LEF1: variants seen among roughly 807,000 people sequenced by gnomAD.
The protein encoded by LEF1 is lymphoid enhancer-binding factor 1.
In LEF1, 14 loss-of-function variants were observed where a neutral mutation model predicts 51.2. That is an observed-to-expected ratio of 0.27 (90% CI 0.18 to 0.43). The LOEUF is 0.43. Ranked by LOEUF, LEF1 falls within the 20% of genes least tolerant of loss-of-function variation. The pLI is 1.00. For synonymous variants in LEF1, 185 were observed against 183.2 expected (o/e 1.01, Z -0.08); for missense variants, 386 against 512.0 (o/e 0.75, Z 2.37).
At chr4:108,133,012 C>T (rs921461850) in intron 3 of LEF1, among the ~76,000 whole-genome samples, 6 of 151,818 alleles carry the variant, frequency 4.0e-5, no homozygotes, top group African/African-American at 4.8e-5. Flanking sequence ...CTCGCTCTGT[C>T]GCCCAGGCTG....
Position 108,167,516 on chromosome 4 carries a change from C to T in LEF1, c.213+39G>A. ...CTCCCTCTCTGAGTTTCCCAGGGAC[C>T]CGCCACGCCTCTCGGAACTGGGGCA... On this transcript the variant is annotated intron_variant, in intron 1 of 11. Coordinates refer to ENST00000265165, the MANE Select transcript of LEF1 (RefSeq NM_016269.5). The surrounding 1 kb of genome is among the most constrained non-coding windows in gnomAD (Gnocchi z 5.7). 6.2e-7 allele frequency: 1 copy of T among 1,603,128 alleles called. No individual in the cohort carries two copies. Among genetic ancestry groups the T allele is most frequent in the Non-Finnish European group, 8.5e-7 (1 of 1,172,142 alleles).
intron 3 of LEF1, among the ~76,000 whole-genome samples, chr4:108,125,807 T>G (rs1255136898): frequency 6.6e-6 from 1 of 152,096 alleles, no homozygotes; most frequent in Non-Finnish European, 1.5e-5. Flanking sequence ...TACAGCAGTG[T>G]GACTGTGCAG....
chr4:108,056,906 C>CAA (rs58289441), intron 11 of LEF1, among the ~76,000 whole-genome samples: 23 of 84,984 alleles, frequency 2.7e-4, no homozygotes, highest in African/African-American at 5.6e-4. Context: ...GGCCACTATT[C>CAA]AAAAAAAAAA....
chr4:108,091,462 AG>A (rs1740019158), intron 3 of LEF1, among the ~76,000 whole-genome samples: 1 of 150,544 alleles, frequency 6.6e-6, no homozygotes, highest in South Asian at 2.1e-4. Context: ...GGGAAAAAAA[AG>A]GAAAAAAAAA....
intron 3 of LEF1, among the ~76,000 whole-genome samples, chr4:108,094,885 C>T (rs909474310): frequency 6.6e-6 from 1 of 152,194 alleles, no homozygotes; most frequent in African/African-American, 2.4e-5. Flanking sequence ...GACATAAAGC[C>T]ATGTAACTTC....
chr4:108,066,878 C>T (rs1378743288), intron 9 of LEF1, among the ~76,000 whole-genome samples: 4 of 152,062 alleles, frequency 2.6e-5, no homozygotes, highest in Non-Finnish European at 5.9e-5. Flanking sequence ...TATTAATTAG[C>T]CTGTTATTAG....
chr4:108,065,458 T>C (rs72894325), intron 9 of LEF1, among the ~76,000 whole-genome samples: 8,065 of 152,032 alleles, frequency 0.053, 740 homozygotes, highest in African/African-American at 0.18. Context: ...GGCCACAGAG[T>C]GAGCCTGGGC....
chr4:108,166,384 T>C (rs2110430005), intron 1 of LEF1: 1 of 1,466,434 alleles, frequency 6.8e-7, no homozygotes, highest in African/African-American at 1.4e-5. Flanking sequence ...GGTAGAAAGA[T>C]GCCATTTAAG....
chr4:108,048,442 A>C lies in LEF1; in HGVS notation c.*316T>G. On this transcript the variant is annotated 3_prime_UTR_variant, in exon 12 of 12. Coordinates refer to ENST00000265165, the MANE Select transcript of LEF1 (RefSeq NM_016269.5). ...AAGTGCACGCAGATATGAGGGGAGA[A>C]AAGCTGCTCAGCTGCCCCACAGCCT... is the stretch of plus-strand genomic sequence containing the variant. 1 of 341,904 alleles carries C rather than the reference A, an allele frequency of 2.9e-6. No individual in the cohort carries two copies. Among genetic ancestry groups the C allele is most frequent in the Non-Finnish European group, 5.3e-6 (1 of 188,994 alleles). 21.2% of individuals were successfully genotyped at this position (341,904 alleles called of 1,614,324 possible).
chr4:108,056,089 C>T (rs1261155027), intron 11 of LEF1, among the ~76,000 whole-genome samples: 1 of 152,234 alleles, frequency 6.6e-6, no homozygotes, highest in Admixed American at 6.5e-5. Context: ...CCTCTGGCCA[C>T]AGCTGATTAT....
intron 4 of LEF1, among the ~76,000 whole-genome samples, chr4:108,084,449 A>T (rs1232613037): frequency 6.6e-6 from 1 of 152,360 alleles, no homozygotes; most frequent in East Asian, 1.9e-4. Context: ...AGATGAGTAC[A>T]TGGAAGATGT....
intron 3 of LEF1, among the ~76,000 whole-genome samples, chr4:108,159,832 C>T (rs1007939961): frequency 1.3e-5 from 2 of 152,134 alleles, no homozygotes; most frequent in African/African-American, 4.8e-5. Flanking sequence ...ATTTTCATAG[C>T]AATTTCTACT....
intron 11 of LEF1, among the ~76,000 whole-genome samples, chr4:108,061,353 G>A (rs549755437): frequency 6.6e-6 from 1 of 152,020 alleles, no homozygotes. Flanking sequence ...AAGATGTTTG[G>A]GATACACTTT....
chr4:108,123,006 T>TCATGGG (rs1429679958), intron 3 of LEF1, among the ~76,000 whole-genome samples: 7 of 152,242 alleles, frequency 4.6e-5, no homozygotes, highest in Non-Finnish European at 1.0e-4. Context: ...TGACTTTGGC[T>TCATGGG]CATGGGGCCA....
intron 3 of LEF1, among the ~76,000 whole-genome samples, chr4:108,118,748 C>G (rs552228804): frequency 6.6e-6 from 1 of 152,142 alleles, no homozygotes; most frequent in East Asian, 1.9e-4. Context: ...GCAGCCTGCT[C>G]GAGTAGGTAA....
intron 3 of LEF1, among the ~76,000 whole-genome samples, chr4:108,125,364 T>C (rs1009501811): frequency 6.6e-6 from 1 of 152,142 alleles, no homozygotes; most frequent in African/African-American, 2.4e-5. Context: ...GGTTTTGCCA[T>C]GTTGGCCAGG....
At chr4:108,068,125 G>A (rs2126271902) in intron 9 of LEF1, among the ~76,000 whole-genome samples, 1 of 152,044 alleles carries the variant, frequency 6.6e-6, no homozygotes, top group South Asian at 2.1e-4. Flanking sequence ...AAATTAGCTG[G>A]GTGTGGTGGT....
At chr4:108,165,037 A>G in intron 2 of LEF1, 60 bp downstream of exon 2, 2 of 1,459,530 alleles carry the variant, frequency 1.4e-6, no homozygotes, top group Non-Finnish European at 1.9e-6. Flanking sequence ...AAACACACCT[A>G]TTTATACAAA....
chr4:108,092,917 T>TAAAAA (rs71592104), intron 3 of LEF1, among the ~76,000 whole-genome samples: 33 of 31,130 alleles, frequency 1.1e-3, no homozygotes, highest in African/African-American at 1.4e-3. Context: ...AATGAATATG[T>TAAAAA]AAAAAAAAAA....
Sources: gnomAD v4.1 joint callset for allele counts (sites outside exome capture counted in the v4.1 genomes callset) on GRCh38, gnomAD v4.1.1 for gene constraint, Gnocchi (gnomAD v3.1) non-coding constraint, MANE v1.5 for transcripts, NCBI Gene and HGNC (gene_info 2026-07-23, HGNC 2026-07-21) for gene names.